PIBF1: variants seen among roughly 807,000 people sequenced by gnomAD.
PIBF1 encodes the protein progesterone-induced-blocking factor 1.
In PIBF1, 90 loss-of-function variants were observed where a neutral mutation model predicts 112.5. The ratio of observed to expected loss-of-function variants is 0.80; its 90% CI spans 0.67 to 0.95. The LOEUF (loss-of-function observed/expected upper bound fraction) is 0.95. PIBF1 is among the 40% of genes least tolerant of loss of function. The pLI is 0.00. For missense variants in PIBF1, 915 were observed against 852.3 expected, an observed-to-expected ratio of 1.07 and a Z score of -0.92; for synonymous variants, 301 against 288.6, an observed-to-expected ratio of 1.04 and a Z score of -0.44.
At chr13:72,887,578 A>G (rs982045598) in intron 10 of PIBF1, among the ~76,000 whole-genome samples, 1 of 152,018 alleles carries the variant, frequency 6.6e-6, no homozygotes, top group African/African-American at 2.4e-5. Context: ...TGAGAAGTAA[A>G]GGATATATCT....
At chr13:72,956,376 CACT>C (rs1566488448) in intron 14 of PIBF1, among the ~76,000 whole-genome samples, 1 of 151,956 alleles carries the variant, frequency 6.6e-6, no homozygotes, top group Non-Finnish European at 1.5e-5. Flanking sequence ...TGCCAACCAC[CACT>C]GACACACATA....
chr13:72,883,003 G>A (rs2039704462), intron 10 of PIBF1, among the ~76,000 whole-genome samples: 1 of 152,132 alleles, frequency 6.6e-6, no homozygotes. Context: ...CAAAAGAAAG[G>A]AAATCAGTAT....
chr13:72,870,616 A>G (rs937206812), intron 10 of PIBF1, among the ~76,000 whole-genome samples: 4 of 152,294 alleles, frequency 2.6e-5, no homozygotes, highest in African/African-American at 9.6e-5. Context: ...GCTGAAATAC[A>G]TATATACATA....
chr13:72,835,350 TG>T lies in PIBF1; in HGVS notation c.1206del (p.Met402IlefsTer24). 1 of 1,573,658 alleles carries T rather than the reference TG, an allele frequency of 6.4e-7. No homozygotes were observed. The highest frequency in any genetic ancestry group is 8.6e-7 in the Non-Finnish European group (1 of 1,166,126). Reference protein sequence around the residue: ...IDQLRNASREMYERENRNLRE... With the variant: ...IDQLRNASREXYERENRNLRE... ...CAACTTCGAAATGCCTCTAGGGAAA[TG>T]TATGAACGAGAAAACAGGTAAAAAA... On this transcript the variant is annotated frameshift_variant, in exon 9 of 18. Coordinates refer to ENST00000326291, the MANE Select transcript of PIBF1 (RefSeq NM_006346.4). LOFTEE classifies it high-confidence loss of function.
At chr13:72,822,415 C>CT (rs2036598509) in intron 6 of PIBF1, among the ~76,000 whole-genome samples, 1 of 151,670 alleles carries the variant, frequency 6.6e-6, no homozygotes, top group South Asian at 2.1e-4. Context: ...TAGCAAATAC[C>CT]TTTTTTTAAC....
chr13:72,937,513 A>G (rs2041902479), intron 14 of PIBF1, among the ~76,000 whole-genome samples: 1 of 152,186 alleles, frequency 6.6e-6, no homozygotes, highest in South Asian at 2.1e-4. Context: ...CATTACTGCT[A>G]TTATTACTTA....
At chr13:72,806,437 C>T (rs568055206) in intron 5 of PIBF1, among the ~76,000 whole-genome samples, 7 of 151,702 alleles carry the variant, frequency 4.6e-5, no homozygotes, top group South Asian at 2.1e-4. Context: ...GGTAGTGTTA[C>T]GTAGGTATAC....
At chr13:72,793,363 C>T (rs2045941123) in intron 3 of PIBF1, among the ~76,000 whole-genome samples, 2 of 152,022 alleles carry the variant, frequency 1.3e-5, no homozygotes, top group Non-Finnish European at 2.9e-5. Flanking sequence ...TTTTATCAGC[C>T]ACTATCACAC....
intron 7 of PIBF1, 40 bp downstream of exon 7, chr13:72,827,158 G>A (rs2036850864): frequency 1.1e-6 from 1 of 925,634 alleles, no homozygotes. Context: ...ATATAGCATA[G>A]TATTAGTGAA....
At chr13:72,874,314 T>C (rs1013567756) in intron 10 of PIBF1, among the ~76,000 whole-genome samples, 3 of 152,218 alleles carry the variant, frequency 2.0e-5, no homozygotes, top group African/African-American at 7.2e-5. Flanking sequence ...TGTTTATAGC[T>C]GCTATATTTC....
At chr13:72,914,113 T>C (rs2040999573) in intron 12 of PIBF1, among the ~76,000 whole-genome samples, 1 of 152,188 alleles carries the variant, frequency 6.6e-6, no homozygotes, top group African/African-American at 2.4e-5. Context: ...GGCTGACTTT[T>C]TTCAACAGAC....
chr13:72,863,909 T>C (rs993688683), intron 10 of PIBF1, among the ~76,000 whole-genome samples: 5 of 152,214 alleles, frequency 3.3e-5, no homozygotes, highest in African/African-American at 1.2e-4. Flanking sequence ...GCAGCTCAAC[T>C]GTTGCCAGAG....
chr13:72,942,379 T>G (rs1239394393), intron 14 of PIBF1, among the ~76,000 whole-genome samples: 1 of 152,248 alleles, frequency 6.6e-6, no homozygotes, highest in Non-Finnish European at 1.5e-5. Flanking sequence ...TTTTTCATTT[T>G]AGACATACTT....
intron 2 of PIBF1, among the ~76,000 whole-genome samples, chr13:72,786,357 A>T (rs2034596202): frequency 6.6e-6 from 1 of 152,086 alleles, no homozygotes; most frequent in Admixed American, 6.6e-5. Context: ...TATTCTTTTC[A>T]TTCCTATAGC....
chr13:72,993,038 T>C lies in PIBF1; in HGVS notation c.2050-5784T>C, dbSNP rs542637697. Among the ~76,000 whole-genome samples, 210 of 152,324 alleles carry C rather than the reference T, an allele frequency of 1.4e-3. 1 individual carries two copies. The highest frequency in any genetic ancestry group is 2.4e-3 in the Non-Finnish European group (162 of 68,030). On this transcript the variant is annotated intron_variant, in intron 16 of 17. Transcript: ENST00000326291. Reference sequence around the variant, plus strand: ...ATTTGGAAAAGTAATATTTCCCTAATATAAAAATCAGTAGGCCAGATGCAG... The same window carrying C: ...ATTTGGAAAAGTAATATTTCCCTAACATAAAAATCAGTAGGCCAGATGCAG...
At chr13:72,932,838 A>C (rs866456115) in intron 14 of PIBF1, among the ~76,000 whole-genome samples, 31 of 152,228 alleles carry the variant, frequency 2.0e-4, no homozygotes, top group African/African-American at 7.5e-4. Flanking sequence ...TGTGTTTGAT[A>C]GCCAGCCCAC....
chr13:72,908,397 T>C (rs1464378926), intron 11 of PIBF1, 134 bp from the exon 12 acceptor site: 3 of 414,852 alleles, frequency 7.2e-6, no homozygotes, highest in African/African-American at 2.1e-5. Context: ...TCCTCATTAG[T>C]CATCTTAATT....
chr13:72,877,230 C>A (rs962347257), intron 10 of PIBF1, among the ~76,000 whole-genome samples: 1 of 151,882 alleles, frequency 6.6e-6, no homozygotes, highest in Non-Finnish European at 1.5e-5. Flanking sequence ...TGGGATAAAT[C>A]CCACTTGGTT....
chr13:72,791,415 G>T (rs1252782383), intron 2 of PIBF1, among the ~76,000 whole-genome samples: 2 of 152,120 alleles, frequency 1.3e-5, no homozygotes, highest in Admixed American at 6.5e-5. Context: ...AGGGAATAAA[G>T]AATTTTCTAA....
Sources: allele counts gnomAD v4.1 joint callset (sites outside exome capture counted in the v4.1 genomes callset), GRCh38; gene constraint gnomAD v4.1.1; transcripts MANE v1.5; gene names NCBI Gene and HGNC (gene_info 2026-07-23, HGNC 2026-07-21).